The following MMP26 variants were observed in gnomAD, a reference collection of about 807,000 sequenced individuals.
MMP26 encodes the protein matrix metalloproteinase-26.
MMP26 carries 33 observed loss-of-function variants against 31.0 expected under a neutral mutation model. The ratio of observed to expected loss-of-function variants is 1.06; its 90% CI spans 0.81 to 1.42. The LOEUF (loss-of-function observed/expected upper bound fraction) is 1.42. MMP26 is among the 40% of genes most tolerant of loss of function. MMP26 has a pLI of 0.00. For missense variants in MMP26, 347 were observed against 316.1 expected (o/e 1.10, Z -0.74); for synonymous variants, 122 against 114.9 (o/e 1.06, Z -0.40).
At chr11:4,766,173 A>G (rs1488311605) in intron 1 of MMP26, among the ~76,000 whole-genome samples, 1 of 152,164 alleles carries the variant, frequency 6.6e-6, no homozygotes. Flanking sequence ...TTCGGGTTAT[A>G]GTCTCTTTCT....
intron 2 of MMP26, among the ~76,000 whole-genome samples, chr11:4,896,448 C>G (rs1284354951): frequency 2.6e-5 from 4 of 152,068 alleles, no homozygotes; most frequent in Non-Finnish European, 4.4e-5. Flanking sequence ...AGAGGAGACC[C>G]TGGGTCAGGA....
chr11:4,744,041 T>C, intron 1 of MMP26, among the ~76,000 whole-genome samples: 1 of 152,118 alleles, frequency 6.6e-6, no homozygotes, highest in East Asian at 1.9e-4. Flanking sequence ...ACTCAAGTGA[T>C]CCTCCTGCCT....
chr11:4,783,757 C>G (rs1415595347), intron 2 of MMP26, among the ~76,000 whole-genome samples: 4 of 152,152 alleles, frequency 2.6e-5, no homozygotes, highest in Non-Finnish European at 4.4e-5. Context: ...TCTTTCCATA[C>G]TGTTCTCATG....
chr11:4,822,045 T>G, intron 2 of MMP26: 1 of 1,613,822 alleles, frequency 6.2e-7, no homozygotes, highest in Non-Finnish European at 8.5e-7. Flanking sequence ...TTTTGTCCAC[T>G]ACAGGGTTTG....
intron 2 of MMP26, among the ~76,000 whole-genome samples, chr11:4,879,328 T>C (rs949161501): frequency 1.3e-5 from 2 of 152,156 alleles, no homozygotes; most frequent in Non-Finnish European, 2.9e-5. Flanking sequence ...CCAGTCTAAA[T>C]GAAGCTTAAA....
At chr11:4,721,654 G>A (rs1194809203) in intron 1 of MMP26, among the ~76,000 whole-genome samples, 1 of 151,976 alleles carries the variant, frequency 6.6e-6, no homozygotes, top group African/African-American at 2.4e-5. Flanking sequence ...GATATATTTT[G>A]ACTGGAAACT....
Position 4,728,538 on chromosome 11 carries a change from C to T in MMP26, c.-217+23493C>T, listed in dbSNP as rs537698607. On this transcript the variant is annotated intron_variant, in intron 1 of 7. Coordinates refer to ENST00000380390, the MANE Select transcript of MMP26 (RefSeq NM_021801.5). ...CCTCTGTTATAAGTGTGAGAGAATT[C>T]AGATCCCCTTTTGCCCAGTCAGGCC... is the stretch of plus-strand genomic sequence containing the variant. 2.6e-5 allele frequency among the ~76,000 whole-genome samples: 4 copies of T among 152,294 alleles called. No individual in the cohort carries two copies. The South Asian group carries it at 8.3e-4, about 32-fold the overall frequency.
chr11:4,769,765 G>T lies in MMP26; in HGVS notation c.-145+2424G>T. The T allele has an allele frequency of 2.5e-6, 4 of 1,613,912 alleles. No homozygotes were observed. The East Asian group carries it at 8.9e-5, about 36-fold the overall frequency. On this transcript the variant is annotated intron_variant, in intron 2 of 7. Transcript: ENST00000380390. ...GTTCATGGAGACTCTGCTGGGTAAT[G>T]ATGACAAACAGGATCACGCTGTTCC...
At chr11:4,923,641 G>A (rs1851219393) in intron 2 of MMP26, 3 of 1,613,888 alleles carry the variant, frequency 1.9e-6, no homozygotes, top group Non-Finnish European at 2.5e-6. Flanking sequence ...GTCGCTCCTG[G>A]TGGGAGGCAA....
At chr11:4,726,021 G>T (rs1356744998) in intron 1 of MMP26, among the ~76,000 whole-genome samples, 1 of 152,118 alleles carries the variant, frequency 6.6e-6, no homozygotes, top group Non-Finnish European at 1.5e-5. Flanking sequence ...CTGGGCTGCA[G>T]AAAGAAATAG....
At chr11:4,914,146 A>G (rs1411296928) in intron 2 of MMP26, 1 of 152,180 alleles carries the variant, frequency 6.6e-6, no homozygotes, top group Non-Finnish European at 1.5e-5. Flanking sequence ...AGGATTCTCT[A>G]CTCATTGGTG....
intron 2 of MMP26, chr11:4,882,942 C>CT: frequency 7.3e-7 from 1 of 1,370,784 alleles, no homozygotes. Context: ...TTGGGGCAGT[C>CT]TTATCCACAG....
At chr11:4,798,616 A>C (rs1453796575) in intron 2 of MMP26, among the ~76,000 whole-genome samples, 1 of 152,158 alleles carries the variant, frequency 6.6e-6, no homozygotes, top group Admixed American at 6.6e-5. Flanking sequence ...ATTTTTTCTC[A>C]TGGTGTGCAC....
chr11:4,740,890 G>A (rs1848303594), intron 1 of MMP26, among the ~76,000 whole-genome samples: 1 of 152,200 alleles, frequency 6.6e-6, no homozygotes, highest in East Asian at 1.9e-4. Context: ...TGGCCTAAAA[G>A]CATTGATTTT....
chr11:4,957,903 C>T (rs950900974), intron 2 of MMP26, among the ~76,000 whole-genome samples: 1 of 152,092 alleles, frequency 6.6e-6, no homozygotes, highest in Non-Finnish European at 1.5e-5. Flanking sequence ...AGGTCTCGAA[C>T]TCCTGACCTC....
intron 1 of MMP26, among the ~76,000 whole-genome samples, chr11:4,749,861 T>C (rs1222920962): frequency 6.6e-6 from 1 of 152,130 alleles, no homozygotes; most frequent in East Asian, 1.9e-4. Context: ...TTTATGGACA[T>C]TTGCCTTGGC....
At chr11:4,797,334 C>T (rs1849121727) in intron 2 of MMP26, among the ~76,000 whole-genome samples, 2 of 152,178 alleles carry the variant, frequency 1.3e-5, no homozygotes, top group African/African-American at 2.4e-5. Context: ...CTGTTGGTAA[C>T]TCGAGCCACA....
intron 2 of MMP26, among the ~76,000 whole-genome samples, chr11:4,940,930 T>C (rs1006483187): frequency 4.6e-5 from 7 of 152,174 alleles, no homozygotes; most frequent in Non-Finnish European, 7.4e-5. Flanking sequence ...TTCCCTCCAA[T>C]TGGAAATTAT....
Position 4,890,763 on chromosome 11 carries a change from A to T in MMP26, c.-144-97305A>T, listed in dbSNP as rs116759813. ...GAGATATTACTTCTAAACAGACTGT[A>T]ATAAAGTCAGATCTTGACTGACAAA... is the stretch of plus-strand genomic sequence containing the variant. On this transcript the variant is annotated intron_variant, in intron 2 of 7. Transcript: ENST00000380390. 7.8e-3 allele frequency among the ~76,000 whole-genome samples: 1,184 copies of T among 152,208 alleles called. 14 individuals carry two copies. The highest frequency in any genetic ancestry group is 0.027 in the African/African-American group (1,126 of 41,526).
Sources: allele counts gnomAD v4.1 joint callset (sites outside exome capture counted in the v4.1 genomes callset), GRCh38; gene constraint gnomAD v4.1.1; transcripts MANE v1.5; gene names NCBI Gene and HGNC (gene_info 2026-07-23, HGNC 2026-07-21).